Variants in ZDHHC1 observed in about 807,000 individuals in gnomAD.
The protein encoded by ZDHHC1 is zDHHC palmitoyltransferase 1.
Under a neutral mutation model 46.9 loss-of-function variants are expected in ZDHHC1, and 45 were observed. That is an observed-to-expected ratio of 0.96 (90% CI 0.76 to 1.23). The LOEUF (loss-of-function observed/expected upper bound fraction) is 1.23. ZDHHC1 is among the 50% of genes most tolerant of loss of function. The probability of loss-of-function intolerance (pLI) is 0.00; values close to 1 mark genes in which losing one functional copy is unlikely to be tolerated. For synonymous variants in ZDHHC1, 291 were observed against 286.0 expected, an observed-to-expected ratio of 1.02 and a Z score of -0.18; for missense variants, 649 against 670.8, an observed-to-expected ratio of 0.97 and a Z score of 0.36.
chr16:67,399,401 G>A lies in ZDHHC1; in HGVS notation c.484C>T (p.His162Tyr), dbSNP rs2040502079. The A allele has an allele frequency of 6.2e-7, 1 of 1,613,256 alleles. No homozygotes were observed. Among genetic ancestry groups the A allele is most frequent in the Admixed American group, 1.7e-5 (1 of 59,992 alleles). ...CAGTTGTTGAGCCACTTGCAGTGGT[G>A]GTCGAAACCGCACACGCACTTGTTG... ...ACNKCVCGFD[H>Y]HCKWLNNCVG... Residue 162 changes from histidine to tyrosine, a missense_variant, in exon 5 of 12, where the codon CAC (histidine) becomes TAC (tyrosine). Physicochemically the swap from His to Tyr is moderately conservative, Grantham distance 83. Coordinates refer to ENST00000565726, the MANE Select transcript of ZDHHC1 (RefSeq NM_001323627.2).
At chr16:67,413,648 G>C (rs1478828104) in intron 1 of ZDHHC1, among the ~76,000 whole-genome samples, 3 of 152,176 alleles carry the variant, frequency 2.0e-5, no homozygotes, top group African/African-American at 7.2e-5. Flanking sequence ...ACAGGTGGAA[G>C]TCTGATGCTG....
intron 8 of ZDHHC1, chr16:67,396,218 G>T (rs932998974): frequency 6.6e-6 from 1 of 152,338 alleles, no homozygotes; most frequent in African/African-American, 2.4e-5. Context: ...GAGCAAAGGG[G>T]CCTTGAGGCC....
chr16:67,395,227 G>C lies in ZDHHC1; in HGVS notation c.1064C>G (p.Ser355Cys), dbSNP rs1347767290. The change falls in exon 10 of 12, where the codon TCC becomes TGC. Residue 355 changes from serine (S) to cysteine (C), a missense_variant. Coordinates refer to ENST00000565726, the MANE Select transcript of ZDHHC1 (RefSeq NM_001323627.2). The stretch of plus-strand genomic sequence containing the variant: ...GGGAGGCAGGGCGAGAGTGTCTGGG[G>C]AAGAGGGTGGTGGAGGTTCCGCTTG... ...RGQAEPPPPS[S>C]PDTLALPPRI... is the part of the protein sequence containing the mutation. The C allele has an allele frequency of 6.2e-7, 1 of 1,606,848 alleles. No individual in the cohort carries two copies. Among genetic ancestry groups the C allele is most frequent in the East Asian group, 2.2e-5 (1 of 44,712 alleles).
At chr16:67,399,851 C>T (rs2040514968) in intron 4 of ZDHHC1, among the ~76,000 whole-genome samples, 1 of 152,176 alleles carries the variant, frequency 6.6e-6, no homozygotes, top group Non-Finnish European at 1.5e-5. Context: ...GCCTGCACTG[C>T]CCTTCCCGAC....
At chr16:67,398,122 C>T in intron 8 of ZDHHC1, 90 bp downstream of exon 8, 2 of 1,321,172 alleles carry the variant, frequency 1.5e-6, no homozygotes, top group South Asian at 2.5e-5. Flanking sequence ...TCCAGGCTTG[C>T]CTCCCTTGCC....
chr16:67,413,182 C>T (rs765211988), intron 1 of ZDHHC1, among the ~76,000 whole-genome samples: 11 of 151,872 alleles, frequency 7.2e-5, no homozygotes, highest in African/African-American at 1.5e-4. Flanking sequence ...TGGGTTTATG[C>T]AAGCCTCCCA....
chr16:67,415,839 G>A (rs2040825727), intron 1 of ZDHHC1, among the ~76,000 whole-genome samples: 1 of 152,238 alleles, frequency 6.6e-6, no homozygotes, highest in Admixed American at 6.5e-5. Context: ...TTCAATACCA[G>A]AGAGCCTAAC....
At position 67,406,380 on chromosome 16, in the gene ZDHHC1, CG is replaced by C; in HGVS notation, c.71del (p.Pro24ArgfsTer41). 6.3e-7 allele frequency: 1 copy of C among 1,579,196 alleles called. No individual in the cohort carries two copies. The highest frequency in any genetic ancestry group is 8.6e-7 in the Non-Finnish European group (1 of 1,162,406). ...CAGGGGAGGGTCCGCTGGGCTGTGCCGGTGCCGTCCACACACTCTTCTCAGG... is the reference window on the plus strand; with the variant it reads ...CAGGGGAGGGTCCGCTGGGCTGTGCCGTGCCGTCCACACACTCTTCTCAGG... ...TAPEKSVWTA[P>X]AQPSGPSPEL... is the part of the protein sequence containing the mutation. On this transcript the variant is annotated frameshift_variant, in exon 3 of 12. Coordinates refer to ENST00000565726, the MANE Select transcript of ZDHHC1 (RefSeq NM_001323627.2). LOFTEE classifies it high-confidence loss of function. The surrounding 1 kb of genome is among the most constrained non-coding windows in gnomAD (Gnocchi z 4.1).
chr16:67,394,711 G>A lies in ZDHHC1; in HGVS notation c.1348C>T (p.Gln450Ter). 1 of 1,341,124 alleles carries A rather than the reference G, an allele frequency of 7.5e-7. No individual in the cohort carries two copies. The highest frequency in any genetic ancestry group is 3.1e-5 in the East Asian group (1 of 32,116). 83.1% of individuals were successfully genotyped at this position (1,341,124 alleles called of 1,614,324 possible). A position where few individuals can be genotyped will look rare whatever the true frequency, so the allele number is the denominator to read the frequency against. ...CGCGCCTGCCGCGCCAGCGTGGGCT[G>A]TCGGCCCCGGCCCCGCGGGGCGGCC... ...ALAAPRGRGRQPTLARQARAP... is the reference protein window; with the variant it reads ...ALAAPRGRGR Residue 450 changes from glutamine to a stop codon, truncating the protein, a stop_gained, in exon 12 of 12, where the codon CAG becomes TAG. Transcript: ENST00000565726. LOFTEE classifies it low-confidence loss of function (END_TRUNC).
rs745860944 is a variant in ZDHHC1, at chr16:67,395,009, C to T, written c.1158G>A (p.Pro386=). 15 of 1,610,394 alleles carry T rather than the reference C, an allele frequency of 9.3e-6. No homozygotes were observed. Among genetic ancestry groups the T allele is most frequent in the Non-Finnish European group, 1.3e-5 (15 of 1,178,520 alleles). ...YKVRTSETSD[P]ASGPRAPSRR... Reference sequence around the variant, plus strand: ...ACAGGGAGAGGCGCTCACCCGACGCCGGATCCGAGGTCTCAGACGTTCGCA... The same window carrying T: ...ACAGGGAGAGGCGCTCACCCGACGCTGGATCCGAGGTCTCAGACGTTCGCA... The change falls in exon 11 of 12, where the codon CCG becomes CCA. Residue 386 remains proline (P), a synonymous_variant. Coordinates refer to ENST00000565726, the MANE Select transcript of ZDHHC1 (RefSeq NM_001323627.2).
At chr16:67,409,374 C>G (rs1469217336) in intron 1 of ZDHHC1, among the ~76,000 whole-genome samples, 2 of 152,088 alleles carry the variant, frequency 1.3e-5, no homozygotes, top group Admixed American at 6.5e-5. Context: ...AATCAGGATA[C>G]CCCCGATACT....
intron 8 of ZDHHC1, 40 bp downstream of exon 8, chr16:67,398,172 C>T (rs750619641): frequency 1.9e-6 from 3 of 1,592,448 alleles, no homozygotes; most frequent in African/African-American, 2.7e-5. Context: ...GCCCAACACC[C>T]CCCACACCCA....
chr16:67,406,073 G>A lies in ZDHHC1; in HGVS notation c.252+127C>T. 1 of 1,387,624 alleles carries A rather than the reference G, an allele frequency of 7.2e-7. No individual in the cohort carries two copies. Among genetic ancestry groups the A allele is most frequent in the Non-Finnish European group, 9.5e-7 (1 of 1,050,092 alleles). The allele number at this position is 1,387,624 out of a possible 1,614,324, so 86.0% of individuals were successfully genotyped here. On this transcript the variant is annotated intron_variant, in intron 3 of 11. Coordinates refer to ENST00000565726, the MANE Select transcript of ZDHHC1 (RefSeq NM_001323627.2). The surrounding 1 kb of genome is among the most constrained non-coding windows in gnomAD (Gnocchi z 4.1). ...GGAAGCAGCAAGTCCCCAGGACTGG[G>A]CCCACCCTGCTCCACTCTCCTGACT...
rs8057903 is a variant in ZDHHC1, at chr16:67,406,162, C to A, written c.252+38G>T. ...CTGTGCCAGCCATCCTTTGCCTCCC[C>A]ACTTCCACACACCAGCCCTACGCTT... On this transcript the variant is annotated intron_variant, in intron 3 of 11. Transcript: ENST00000565726. This position sits in a 1 kb window ranked among gnomAD's most constrained non-coding sequence, Gnocchi z 4.1. The A allele has an allele frequency of 0.014, 21,967 of 1,594,322 alleles. 1,432 individuals carry two copies. The African/African-American group carries it at 0.17, about 13-fold the overall frequency.
rs1203990039 is a variant in ZDHHC1 at position 67,395,247 on chromosome 16, C to T, written c.1044G>A (p.Ala348=). The change falls in exon 10 of 12, where the codon GCG becomes GCA. Residue 348 remains alanine (A), a synonymous_variant. Coordinates refer to ENST00000565726, the MANE Select transcript of ZDHHC1 (RefSeq NM_001323627.2). ...CTGGGGAAGAGGGTGGTGGAGGTTCCGCTTGGCCACGGGTGGCAAGAAACT... is the reference window on the plus strand; with the variant it reads ...CTGGGGAAGAGGGTGGTGGAGGTTCTGCTTGGCCACGGGTGGCAAGAAACT... The part of the protein sequence containing the change: ...PSQFLATRGQ[A]EPPPPSSPDT... 5 of 1,587,900 alleles carry T rather than the reference C, an allele frequency of 3.1e-6. No homozygotes were observed. The highest frequency in any genetic ancestry group is 4.3e-6 in the Non-Finnish European group (5 of 1,166,536).
Position 67,399,411 on chromosome 16 carries a change from G to C in ZDHHC1, c.474C>G (p.Cys158Trp). ...GCCACTTGCAGTGGTGGTCGAAACC[G>C]CACACGCACTTGTTGCAGGCGCTGC... ...KHCSACNKCV[C>W]GFDHHCKWLN... The change falls in exon 5 of 12, where the codon TGC becomes TGG. Residue 158 changes from cysteine to tryptophan, a missense_variant. By Grantham distance (215) the Cys-to-Trp change is radical. Transcript: ENST00000565726. 1 of 1,613,308 alleles carries C rather than the reference G, an allele frequency of 6.2e-7. No individual in the cohort carries two copies. Among genetic ancestry groups the C allele is most frequent in the Non-Finnish European group, 8.5e-7 (1 of 1,179,818 alleles).
At chr16:67,402,784 G>A (rs1288848134) in intron 3 of ZDHHC1, among the ~76,000 whole-genome samples, 1 of 152,086 alleles carries the variant, frequency 6.6e-6, no homozygotes, top group East Asian at 1.9e-4. Flanking sequence ...TCGCCACCAC[G>A]CCTGGCTAAT....
rs1305852533 is a variant in ZDHHC1, at chr16:67,394,698, G to A, written c.1361C>T (p.Ala454Val). The A allele has an allele frequency of 2.3e-6, 3 of 1,290,494 alleles. No individual in the cohort carries two copies. The African/African-American group carries it at 4.7e-5, about 20-fold the overall frequency. The allele number at this position is 1,290,494 out of a possible 1,614,324, so 79.9% of individuals were successfully genotyped here. A position where few individuals can be genotyped will look rare whatever the true frequency, so the allele number is the denominator to read the frequency against. Reference sequence around the variant, plus strand: ...AACGGCGGGCGCACGCGCCTGCCGCGCCAGCGTGGGCTGTCGGCCCCGGCC... The same window carrying A: ...AACGGCGGGCGCACGCGCCTGCCGCACCAGCGTGGGCTGTCGGCCCCGGCC... Reference protein sequence around the residue: ...PRGRGRQPTLARQARAPAVFV... With the variant: ...PRGRGRQPTLVRQARAPAVFV... Residue 454 changes from alanine to valine, a missense_variant, in exon 12 of 12, where the codon GCG becomes GTG. Transcript: ENST00000565726.
intron 4 of ZDHHC1, 125 bp downstream of exon 4, chr16:67,400,832 G>T (rs758562485): frequency 8.7e-5 from 98 of 1,127,096 alleles, no homozygotes; most frequent in Non-Finnish European, 1.1e-4. Context: ...ACGCCATCAA[G>T]GTTCTTGACT....
Sources: gnomAD v4.1 joint callset for allele counts (sites outside exome capture counted in the v4.1 genomes callset) on GRCh38, gnomAD v4.1.1 for gene constraint, Gnocchi (gnomAD v3.1) non-coding constraint, MANE v1.5 for transcripts, NCBI Gene and HGNC (gene_info 2026-07-23, HGNC 2026-07-21) for gene names.